Variants in SPAG16 observed in about 807,000 individuals in gnomAD.
The protein encoded by SPAG16 is sperm associated antigen 16.
In SPAG16, 86 loss-of-function variants were observed where a neutral mutation model predicts 80.4. That is an observed-to-expected ratio of 1.07 (90% CI 0.90 to 1.28). The LOEUF (loss-of-function observed/expected upper bound fraction) is 1.28, where lower values mean the gene tolerates loss of function less well. Among genes scored for constraint, SPAG16 ranks in the 50% most tolerant of loss-of-function variants. The probability of loss-of-function intolerance (pLI) is 0.00; values close to 1 mark genes in which losing one functional copy is unlikely to be tolerated. For missense variants in SPAG16, 870 were observed against 765.3 expected, an observed-to-expected ratio of 1.14 and a Z score of -1.61; for synonymous variants, 294 against 265.9, an observed-to-expected ratio of 1.11 and a Z score of -1.03.
At chr2:213,694,766 C>T (rs535667915) in intron 10 of SPAG16, among the ~76,000 whole-genome samples, 180 of 135,668 alleles carry the variant, frequency 1.3e-3, no homozygotes, top group Non-Finnish European at 2.5e-3. Flanking sequence ...TTATCCTTCT[C>T]TTTTCCTTCT....
chr2:214,401,525 T>A (rs1701708075), intron 15 of SPAG16, among the ~76,000 whole-genome samples: 1 of 151,952 alleles, frequency 6.6e-6, no homozygotes. Flanking sequence ...AATGAGTATT[T>A]TGTTTCTTTG....
intron 15 of SPAG16, among the ~76,000 whole-genome samples, chr2:214,153,516 G>A (rs2056078704): frequency 6.6e-6 from 1 of 151,850 alleles, no homozygotes; most frequent in African/African-American, 2.4e-5. Context: ...TCGGCGCCTG[G>A]GTGGCTTGCC....
chr2:214,265,054 G>A (rs978311108), intron 15 of SPAG16, among the ~76,000 whole-genome samples: 10 of 152,116 alleles, frequency 6.6e-5, no homozygotes, highest in South Asian at 4.1e-4. Flanking sequence ...GGCTGCTTTC[G>A]TGTTTTTGCA....
chr2:213,520,180 G>A (rs1018910591), intron 10 of SPAG16, among the ~76,000 whole-genome samples: 8 of 152,020 alleles, frequency 5.3e-5, no homozygotes, highest in Non-Finnish European at 1.2e-4. Context: ...AGGACTATTG[G>A]CAACCACCAG....
chr2:213,885,786 C>A (rs2076533423), intron 11 of SPAG16, among the ~76,000 whole-genome samples: 1 of 152,162 alleles, frequency 6.6e-6, no homozygotes, highest in African/African-American at 2.4e-5. Context: ...TGAGATAAAC[C>A]TTACAGTATC....
chr2:213,837,053 C>T (rs911402217), intron 10 of SPAG16, among the ~76,000 whole-genome samples: 2 of 152,102 alleles, frequency 1.3e-5, no homozygotes, highest in African/African-American at 4.8e-5. Context: ...TCAGAGACTC[C>T]TCATTTTAAT....
At chr2:213,771,070 A>T (rs766681591) in intron 10 of SPAG16, among the ~76,000 whole-genome samples, 2 of 152,144 alleles carry the variant, frequency 1.3e-5, no homozygotes, top group Admixed American at 1.3e-4. Context: ...ACTAATTTAC[A>T]TTCCCTCCAA....
intron 10 of SPAG16, among the ~76,000 whole-genome samples, chr2:213,714,334 T>A (rs2066136709): frequency 6.6e-6 from 1 of 152,204 alleles, no homozygotes. Flanking sequence ...TAAACACCTG[T>A]CACATTCAGA....
At chr2:213,311,790 T>C (rs1350966462) in intron 4 of SPAG16, among the ~76,000 whole-genome samples, 14 of 151,566 alleles carry the variant, frequency 9.2e-5, no homozygotes, top group Admixed American at 9.2e-4. Context: ...ATTAAATATA[T>C]TATTTTTTAT....
At position 213,786,212 on chromosome 2, in the gene SPAG16, C is replaced by T. The variant is rs574003701; in HGVS notation, c.1071-76273C>T. 5.0e-4 allele frequency among the ~76,000 whole-genome samples: 76 copies of T among 152,208 alleles called. No homozygotes were observed. The East Asian group carries it at 9.3e-3, about 19-fold the overall frequency. ...TTTTAATTTTTCTCAAGGAAACTTT[C>T]ATCGTCCCATTTAACATTTGCGCTT... is the stretch of plus-strand genomic sequence containing the variant. On this transcript the variant is annotated intron_variant, in intron 10 of 15. Transcript: ENST00000331683.
intron 15 of SPAG16, among the ~76,000 whole-genome samples, chr2:214,249,232 G>C (rs888317738): frequency 1.3e-5 from 2 of 152,176 alleles, no homozygotes; most frequent in Non-Finnish European, 2.9e-5. Flanking sequence ...TCAAGTACCA[G>C]ATAAAGGCCA....
chr2:214,222,703 G>A (rs1351819671), intron 15 of SPAG16, among the ~76,000 whole-genome samples: 1 of 152,092 alleles, frequency 6.6e-6, no homozygotes, highest in Non-Finnish European at 1.5e-5. Flanking sequence ...GTCAAGTTCT[G>A]TGACTAATCA....
intron 13 of SPAG16, among the ~76,000 whole-genome samples, chr2:214,029,699 A>C (rs556380546): frequency 1.3e-5 from 2 of 151,970 alleles, no homozygotes; most frequent in Non-Finnish European, 2.9e-5. Flanking sequence ...CTCAAACTTA[A>C]CTCTATGCCT....
intron 10 of SPAG16, among the ~76,000 whole-genome samples, chr2:213,660,561 G>A (rs1360369916): frequency 6.6e-6 from 1 of 152,052 alleles, no homozygotes; most frequent in East Asian, 1.9e-4. Context: ...CTTTGGAACA[G>A]CAAGCTCTGT....
At position 214,311,482 on chromosome 2, in the gene SPAG16, T is replaced by G. The variant is rs570623870; in HGVS notation, c.1721-98658T>G. On this transcript the variant is annotated intron_variant, in intron 15 of 15. Transcript: ENST00000331683. ...AACAAACAGCATTGTTCTGGGTTGATTGATAGGGGAACCCCGACAGTTTGG... is the reference window on the plus strand; with the variant it reads ...AACAAACAGCATTGTTCTGGGTTGAGTGATAGGGGAACCCCGACAGTTTGG... 8 of 152,366 alleles carry G rather than the reference T, an allele frequency of 5.3e-5. No individual in the cohort carries two copies. In the East Asian group the frequency reaches 1.2e-3, roughly 22 times the overall value. The allele number at this position is 152,366 out of a possible 1,614,324, so 9.4% of individuals were successfully genotyped here. A position where few individuals can be genotyped will look rare whatever the true frequency, so the allele number is the denominator to read the frequency against.
chr2:214,358,530 T>C (rs1698967505), intron 15 of SPAG16, among the ~76,000 whole-genome samples: 1 of 151,564 alleles, frequency 6.6e-6, no homozygotes. Context: ...GGACATTTGG[T>C]TTATCATATT....
At chr2:213,346,532 T>G (rs556381695) in intron 6 of SPAG16, among the ~76,000 whole-genome samples, 2 of 152,306 alleles carry the variant, frequency 1.3e-5, no homozygotes, top group East Asian at 3.9e-4. Flanking sequence ...CATAGATAGC[T>G]CTTATTATTT....
At chr2:213,623,057 G>T (rs532961151) in intron 10 of SPAG16, among the ~76,000 whole-genome samples, 1 of 151,984 alleles carries the variant, frequency 6.6e-6, no homozygotes, top group African/African-American at 2.4e-5. Flanking sequence ...TCATTCTCAC[G>T]CCTCCATTTG....
intron 10 of SPAG16, among the ~76,000 whole-genome samples, chr2:213,490,877 A>G (rs991815905): frequency 3.3e-5 from 5 of 152,156 alleles, no homozygotes; most frequent in Non-Finnish European, 4.4e-5. Flanking sequence ...AATTGCTCCT[A>G]TTATACTTAA....
Sources: allele counts gnomAD v4.1 joint callset (sites outside exome capture counted in the v4.1 genomes callset), GRCh38; gene constraint gnomAD v4.1.1; transcripts MANE v1.5; gene names NCBI Gene and HGNC (gene_info 2026-07-23, HGNC 2026-07-21).